CWH43: variants seen among roughly 807,000 people sequenced by gnomAD.
CWH43 encodes the protein cell wall biogenesis 43 C-terminal homolog, also known as PGAP2-interacting protein.
Under a neutral mutation model 85.7 loss-of-function variants are expected in CWH43, and 91 were observed. That is an observed-to-expected ratio of 1.06 (90% CI 0.90 to 1.26). The LOEUF is 1.26. Ranked by LOEUF, CWH43 falls within the 50% of genes most tolerant of loss-of-function variation. The probability of loss-of-function intolerance (pLI) is 0.00; values close to 1 mark genes in which losing one functional copy is unlikely to be tolerated. For synonymous variants in CWH43, 323 were observed against 293.6 expected (o/e 1.10, Z -1.02); for missense variants, 869 against 839.2 (o/e 1.04, Z -0.44).
chr4:49,038,545 GC>G (rs1784335677), intron 13 of CWH43, among the ~76,000 whole-genome samples: 2 of 152,132 alleles, frequency 1.3e-5, no homozygotes, highest in South Asian at 4.1e-4. Context: ...CATGGTGCTG[GC>G]TTTCAATAGT....
Position 48,991,584 on chromosome 4 carries a change from A to G in CWH43, c.356+10A>G. The G allele has an allele frequency of 1.2e-6, 2 of 1,613,628 alleles. No individual in the cohort carries two copies. The highest frequency in any genetic ancestry group is 2.2e-5 in the South Asian group (2 of 90,952). ...GAAGTCATTTGCAAAGGTATGGTTAATGTTTCATGTACTTATAGACAAACA... is the reference window on the plus strand; with the variant it reads ...GAAGTCATTTGCAAAGGTATGGTTAGTGTTTCATGTACTTATAGACAAACA... On this transcript the variant is annotated intron_variant, in intron 3 of 15. Coordinates refer to ENST00000226432, the MANE Select transcript of CWH43 (RefSeq NM_025087.3).
intron 13 of CWH43, among the ~76,000 whole-genome samples, chr4:49,040,075 T>C (rs897579121): frequency 2.0e-5 from 3 of 152,198 alleles, no homozygotes; most frequent in Admixed American, 1.3e-4. Context: ...GGACATGAAT[T>C]CATCATTTTT....
At chr4:49,026,424 G>A (rs187996299) in intron 9 of CWH43, among the ~76,000 whole-genome samples, 2 of 152,300 alleles carry the variant, frequency 1.3e-5, no homozygotes, top group Non-Finnish European at 2.9e-5. Context: ...AAAAGTTCAT[G>A]GTGTGGGTCT....
chr4:49,024,990 T>C (rs1265058660), intron 9 of CWH43, among the ~76,000 whole-genome samples: 1 of 152,018 alleles, frequency 6.6e-6, no homozygotes, highest in Non-Finnish European at 1.5e-5. Flanking sequence ...ATACTAATTA[T>C]TCATAGGTTT....
chr4:49,038,669 A>G (rs1470689235), intron 13 of CWH43, among the ~76,000 whole-genome samples: 5 of 152,132 alleles, frequency 3.3e-5, no homozygotes, highest in Non-Finnish European at 7.4e-5. Flanking sequence ...TAAATTCTTG[A>G]TGGGAGGAAT....
chr4:49,040,204 A>G (rs1201395007), intron 13 of CWH43, among the ~76,000 whole-genome samples: 2 of 152,196 alleles, frequency 1.3e-5, no homozygotes, highest in African/African-American at 4.8e-5. Flanking sequence ...CGCAATAAAC[A>G]TACGTGTGCA....
At chr4:49,030,744 G>T in intron 10 of CWH43, 81 bp from the exon 11 acceptor site, 1 of 1,334,954 alleles carries the variant, frequency 7.5e-7, no homozygotes, top group Non-Finnish European at 9.9e-7. Context: ...AAAAGGTTAA[G>T]GGTCAAGAGT....
At chr4:49,056,353 T>G (rs1784963789) in intron 15 of CWH43, among the ~76,000 whole-genome samples, 1 of 152,118 alleles carries the variant, frequency 6.6e-6, no homozygotes, top group South Asian at 2.1e-4. Flanking sequence ...TCTTATGCAT[T>G]ATTGAACTGT....
At chr4:49,048,766 A>G (rs1243518973) in intron 14 of CWH43, among the ~76,000 whole-genome samples, 1 of 152,094 alleles carries the variant, frequency 6.6e-6, no homozygotes, top group African/African-American at 2.4e-5. Flanking sequence ...TATGTCTCCA[A>G]ATATGGCCAC....
chr4:49,044,744 G>A (rs1240276668), intron 13 of CWH43, 42 bp from the exon 14 acceptor site: 2 of 1,547,884 alleles, frequency 1.3e-6, no homozygotes, highest in Non-Finnish European at 1.8e-6. Context: ...ATAGAGCTTT[G>A]CTTTTTATGC....
intron 6 of CWH43, among the ~76,000 whole-genome samples, chr4:49,002,312 G>A (rs1333611371): frequency 6.6e-6 from 1 of 152,078 alleles, no homozygotes; most frequent in Admixed American, 6.6e-5. Flanking sequence ...CCAGCAATAG[G>A]AAAATGCTTA....
chr4:49,002,515 C>T (rs1426551854), intron 6 of CWH43, among the ~76,000 whole-genome samples: 1 of 152,152 alleles, frequency 6.6e-6, no homozygotes, highest in African/African-American at 2.4e-5. Context: ...TAGAAATACA[C>T]AGAAATATTG....
At chr4:49,006,313 C>T (rs1783157229) in intron 7 of CWH43, among the ~76,000 whole-genome samples, 1 of 152,116 alleles carries the variant, frequency 6.6e-6, no homozygotes, top group South Asian at 2.1e-4. Context: ...TGCATAATTA[C>T]AGCTTCATAC....
At chr4:49,012,091 C>T (rs1302970343) in intron 8 of CWH43, among the ~76,000 whole-genome samples, 1 of 152,144 alleles carries the variant, frequency 6.6e-6, no homozygotes, top group African/African-American at 2.4e-5. Flanking sequence ...TCCATTCTCC[C>T]CGTCACTTTC....
At chr4:49,050,904 A>G in intron 15 of CWH43, 55 bp downstream of exon 15, 1 of 1,270,368 alleles carries the variant, frequency 7.9e-7, no homozygotes, top group South Asian at 1.4e-5. Context: ...CCTCTATGGA[A>G]CCTACATATT....
In CWH43 at chr4:48,995,344, G is replaced by A. The variant is rs911013419; in HGVS notation, c.713+524G>A. ...GCTGTGGGACAGGGTCACACAGGGAGTTAGTAGTCTGGAGTCAAGTGTTGG... is the reference window on the plus strand; with the variant it reads ...GCTGTGGGACAGGGTCACACAGGGAATTAGTAGTCTGGAGTCAAGTGTTGG... On this transcript the variant is annotated intron_variant, in intron 5 of 15. Coordinates refer to ENST00000226432, the MANE Select transcript of CWH43 (RefSeq NM_025087.3). Among the ~76,000 whole-genome samples the A allele has an allele frequency of 5.9e-5, 9 of 152,310 alleles. No individual in the cohort carries two copies. The East Asian group carries it at 1.7e-3, about 29-fold the overall frequency.
chr4:49,014,360 C>T (rs573347207), intron 8 of CWH43, among the ~76,000 whole-genome samples: 3 of 149,288 alleles, frequency 2.0e-5, no homozygotes, highest in Admixed American at 6.7e-5. Context: ...CTAGGGAGGG[C>T]GAGGGTGAAG....
chr4:49,035,018 A>G (rs998582348), intron 12 of CWH43, among the ~76,000 whole-genome samples: 2 of 152,234 alleles, frequency 1.3e-5, no homozygotes, highest in African/African-American at 2.4e-5. Flanking sequence ...TCCTTGCTTT[A>G]GGAACCACTG....
chr4:48,988,499 C>T lies in CWH43; in HGVS notation c.66C>T (p.Tyr22=). ...SLLGCVSWSL[Y]HDLGPMIYYF... Reference sequence around the variant, plus strand: ...TAGGATGTGTTTCTTGGTCTCTCTACCATGACCTGGGACCGATGATCTATT... The same window carrying T: ...TAGGATGTGTTTCTTGGTCTCTCTATCATGACCTGGGACCGATGATCTATT... Residue 22 remains tyrosine (Y), a synonymous_variant, in exon 2 of 16, where the codon TAC becomes TAT. Coordinates refer to ENST00000226432, the MANE Select transcript of CWH43 (RefSeq NM_025087.3). 6.3e-7 allele frequency: 1 copy of T among 1,595,678 alleles called. No individual in the cohort carries two copies. Among genetic ancestry groups the T allele is most frequent in the Non-Finnish European group, 8.5e-7 (1 of 1,174,122 alleles).
Sources: allele counts gnomAD v4.1 joint callset (sites outside exome capture counted in the v4.1 genomes callset), GRCh38; gene constraint gnomAD v4.1.1; transcripts MANE v1.5; gene names NCBI Gene and HGNC (gene_info 2026-07-23, HGNC 2026-07-21).